The following JAKMIP1 variants were observed in gnomAD, a reference collection of about 807,000 sequenced individuals.
JAKMIP1 encodes the protein janus kinase and microtubule-interacting protein 1.
In JAKMIP1, 33 loss-of-function variants were observed where a neutral mutation model predicts 113.0. The observed-to-expected ratio is 0.29, with a 90% confidence interval of 0.22 to 0.39. The LOEUF (loss-of-function observed/expected upper bound fraction) is 0.39. Ranked by LOEUF, JAKMIP1 falls within the 10% of genes least tolerant of loss-of-function variation. JAKMIP1 has a pLI of 1.00. For missense variants in JAKMIP1, 813 were observed against 1,080.5 expected (o/e 0.75, Z 3.47); for synonymous variants, 480 against 459.9 (o/e 1.04, Z -0.56).
chr4:6,063,047 CAGG>C (rs1717535485), intron 9 of JAKMIP1, among the ~76,000 whole-genome samples: 1 of 152,018 alleles, frequency 6.6e-6, no homozygotes. Flanking sequence ...GAGGCTGAGG[CAGG>C]AGAATTCCTT....
Position 6,112,721 on chromosome 4 carries a change from C to T in JAKMIP1, c.129+1G>A. 6.2e-7 allele frequency: 1 copy of T among 1,613,600 alleles called. No individual in the cohort carries two copies. Among genetic ancestry groups the T allele is most frequent in the Non-Finnish European group, 8.5e-7 (1 of 1,179,866 alleles). On this transcript the variant is annotated splice_donor_variant, in intron 2 of 20. Transcript: ENST00000409021. LOFTEE classifies it high-confidence loss of function. ...GCTGCTGAGCTGACGCCAACCCCCA[C>T]CTTGCTTTTTTCCTGCTGGAACTCG...
At position 6,199,671 on chromosome 4, in the gene JAKMIP1, G is replaced by A. The variant is rs909280539; in HGVS notation, c.-148+582C>T. On this transcript the variant is annotated intron_variant, in intron 1 of 20. Coordinates refer to ENST00000409021, the MANE Select transcript of JAKMIP1 (RefSeq NM_001099433.2). The surrounding 1 kb of genome is among the most constrained non-coding windows in gnomAD (Gnocchi z 5.6). ...CGCGAGGGTGTGCGTGGCAGGGGCCGCGGCGGCGTGTGCCGTGCGTGGGGT... is the reference window on the plus strand; with the variant it reads ...CGCGAGGGTGTGCGTGGCAGGGGCCACGGCGGCGTGTGCCGTGCGTGGGGT... 2.0e-5 allele frequency among the ~76,000 whole-genome samples: 3 copies of A among 151,728 alleles called. No homozygotes were observed. The highest frequency in any genetic ancestry group is 7.2e-5 in the African/African-American group (3 of 41,486).
rs1279340910 is a variant in JAKMIP1, at chr4:6,181,581, T to C, written c.-148+18672A>G. On this transcript the variant is annotated intron_variant, in intron 1 of 20. Coordinates refer to ENST00000409021, the MANE Select transcript of JAKMIP1 (RefSeq NM_001099433.2). The surrounding 1 kb of genome is among the most constrained non-coding windows in gnomAD (Gnocchi z 5.4). ...CCAGGGCCTATGGGTGCCAGCGTGGTGAGGGAAGGGACATCCAAAGTGGGC... is the reference window on the plus strand; with the variant it reads ...CCAGGGCCTATGGGTGCCAGCGTGGCGAGGGAAGGGACATCCAAAGTGGGC... 6.6e-6 allele frequency among the ~76,000 whole-genome samples: 1 copy of C among 152,100 alleles called. No individual in the cohort carries two copies. The highest frequency in any genetic ancestry group is 2.4e-5 in the African/African-American group (1 of 41,414).
At chr4:6,165,315 A>T (rs1723490803) in intron 1 of JAKMIP1, among the ~76,000 whole-genome samples, 1 of 152,204 alleles carries the variant, frequency 6.6e-6, no homozygotes, top group Non-Finnish European at 1.5e-5. Flanking sequence ...TTTGAGACAG[A>T]GGCTCTGTAG....
chr4:6,104,520 C>G (rs1713586587), intron 3 of JAKMIP1, among the ~76,000 whole-genome samples: 1 of 152,362 alleles, frequency 6.6e-6, no homozygotes, highest in East Asian at 1.9e-4. Flanking sequence ...CACAGTGTAT[C>G]TTTCCCCATC....
Position 6,040,532 on chromosome 4 carries a change from G to T in JAKMIP1, c.2175+107C>A. The T allele has an allele frequency of 1.3e-6, 1 of 762,382 alleles. No homozygotes were observed. Among genetic ancestry groups the T allele is most frequent in the East Asian group, 2.7e-5 (1 of 37,714 alleles). 47.2% of individuals were successfully genotyped at this position (762,382 alleles called of 1,614,324 possible). On this transcript the variant is annotated intron_variant, in intron 18 of 20. Coordinates refer to ENST00000409021, the MANE Select transcript of JAKMIP1 (RefSeq NM_001099433.2). The surrounding 1 kb of genome is among the most constrained non-coding windows in gnomAD (Gnocchi z 5.8). Reference sequence around the variant, plus strand: ...TGGAGATGGCATTTTTATCACTCCTGTTTGGCACTGGGGAGCGCCCTAAAT... The same window carrying T: ...TGGAGATGGCATTTTTATCACTCCTTTTTGGCACTGGGGAGCGCCCTAAAT...
At position 6,064,870 on chromosome 4, in the gene JAKMIP1, G is replaced by T; in HGVS notation, c.1431+10C>A. ...GGGTGAGGTCCCGCCCTCTCTGCAGGTTTGCTTACATCGTCCAAGTCTTCT... is the reference window on the plus strand; with the variant it reads ...GGGTGAGGTCCCGCCCTCTCTGCAGTTTTGCTTACATCGTCCAAGTCTTCT... On this transcript the variant is annotated intron_variant, in intron 9 of 20. Coordinates refer to ENST00000409021, the MANE Select transcript of JAKMIP1 (RefSeq NM_001099433.2). The surrounding 1 kb of genome is among the most constrained non-coding windows in gnomAD (Gnocchi z 4.3). 3 of 1,613,934 alleles carry T rather than the reference G, an allele frequency of 1.9e-6. No homozygotes were observed. The highest frequency in any genetic ancestry group is 2.5e-6 in the Non-Finnish European group (3 of 1,180,014).
In JAKMIP1 at chr4:6,191,720, T is replaced by C. The variant is rs542644840; in HGVS notation, c.-148+8533A>G. Among the ~76,000 whole-genome samples the C allele has an allele frequency of 6.4e-4, 97 of 152,232 alleles. 1 individual carries two copies. In the South Asian group the frequency reaches 0.02, roughly 31 times the overall value. On this transcript the variant is annotated intron_variant, in intron 1 of 20. Coordinates refer to ENST00000409021, the MANE Select transcript of JAKMIP1 (RefSeq NM_001099433.2). ...CAGCAAGGCCCAGTGGAATACAACA[T>C]GCACGCCACGTGTAATTTCACAGTT...
At chr4:6,072,412 C>T (rs1719093874) in intron 8 of JAKMIP1, among the ~76,000 whole-genome samples, 1 of 152,202 alleles carries the variant, frequency 6.6e-6, no homozygotes, top group East Asian at 1.9e-4. Context: ...AGTCCTGCTG[C>T]CCATGCCCTC....
intron 1 of JAKMIP1, among the ~76,000 whole-genome samples, chr4:6,122,424 T>C (rs1716843709): frequency 6.6e-6 from 1 of 152,184 alleles, no homozygotes; most frequent in Admixed American, 6.5e-5. Flanking sequence ...TTTCCTTCTT[T>C]TAGGATTTGA....
In JAKMIP1 at chr4:6,061,567, G is replaced by A. The variant is rs746542937; in HGVS notation, c.1560+745C>T. ...CCCTGAGTCCGAGAAACCTGGCCTCGACTCCCAGCTCTGTTCAGCATCATC... is the reference window on the plus strand; with the variant it reads ...CCCTGAGTCCGAGAAACCTGGCCTCAACTCCCAGCTCTGTTCAGCATCATC... On this transcript the variant is annotated intron_variant, in intron 10 of 20. Transcript: ENST00000409021. This position sits in a 1 kb window ranked among gnomAD's most constrained non-coding sequence, Gnocchi z 5.3. Among the ~76,000 whole-genome samples, 3 of 152,144 alleles carry A rather than the reference G, an allele frequency of 2.0e-5. No homozygotes were observed. The highest frequency in any genetic ancestry group is 1.3e-4 in the Admixed American group (2 of 15,278).
rs74337193 is a variant in JAKMIP1 at position 6,162,415 on chromosome 4, G to A, written c.-148+37838C>T. On this transcript the variant is annotated intron_variant, in intron 1 of 20. Coordinates refer to ENST00000409021, the MANE Select transcript of JAKMIP1 (RefSeq NM_001099433.2). This position sits in a 1 kb window ranked among gnomAD's most constrained non-coding sequence, Gnocchi z 5.6. ...CTGGTCTTTGCTGGTGAGGGTCCTG[G>A]GGAAGTCACCTCCAGAGGCCACATG... 1.3e-5 allele frequency among the ~76,000 whole-genome samples: 2 copies of A among 152,158 alleles called. No homozygotes were observed. Among genetic ancestry groups the A allele is most frequent in the Admixed American group, 1.3e-4 (2 of 15,282 alleles).
At chr4:6,099,432 G>A (rs1024618765) in intron 3 of JAKMIP1, among the ~76,000 whole-genome samples, 9 of 152,104 alleles carry the variant, frequency 5.9e-5, no homozygotes, top group East Asian at 1.9e-4. Context: ...AACTCATAGC[G>A]TCACGCACCC....
At position 6,129,834 on chromosome 4, in the gene JAKMIP1, C is replaced by A. The variant is rs1204721880; in HGVS notation, c.-147-16837G>T. ...ATTGCCACCATCACCTGTCACTGTC[C>A]CCCAGTCAAAGAATCATCACGTTCA... On this transcript the variant is annotated intron_variant, in intron 1 of 20. Coordinates refer to ENST00000409021, the MANE Select transcript of JAKMIP1 (RefSeq NM_001099433.2). This position sits in a 1 kb window ranked among gnomAD's most constrained non-coding sequence, Gnocchi z 5.4. Among the ~76,000 whole-genome samples, 1 of 152,186 alleles carries A rather than the reference C, an allele frequency of 6.6e-6. No homozygotes were observed. The highest frequency in any genetic ancestry group is 6.5e-5 in the Admixed American group (1 of 15,282).
In JAKMIP1 at chr4:6,180,113, C is replaced by G. The variant is rs574580888; in HGVS notation, c.-148+20140G>C. Among the ~76,000 whole-genome samples, 2 of 152,296 alleles carry G rather than the reference C, an allele frequency of 1.3e-5. No homozygotes were observed. The highest frequency in any genetic ancestry group is 1.9e-4 in the East Asian group (1 of 5,182). The stretch of plus-strand genomic sequence containing the variant: ...AGCATATTGACAGAAAATTAAGTGC[C>G]ACTGAATTAGCCCCAACACTTTCAT... On this transcript the variant is annotated intron_variant, in intron 1 of 20. Transcript: ENST00000409021. This position sits in a 1 kb window ranked among gnomAD's most constrained non-coding sequence, Gnocchi z 4.5.
In JAKMIP1 at chr4:6,158,805, T is replaced by C. The variant is rs1344647893; in HGVS notation, c.-148+41448A>G. Among the ~76,000 whole-genome samples, 1 of 152,118 alleles carries C rather than the reference T, an allele frequency of 6.6e-6. No individual in the cohort carries two copies. Among genetic ancestry groups the C allele is most frequent in the Non-Finnish European group, 1.5e-5 (1 of 68,028 alleles). Reference sequence around the variant, plus strand: ...GTACACAGGAATTTAAAACACATACTGGGCCGGGCGTGGTGACTCACACCT... The same window carrying C: ...GTACACAGGAATTTAAAACACATACCGGGCCGGGCGTGGTGACTCACACCT... On this transcript the variant is annotated intron_variant, in intron 1 of 20. Transcript: ENST00000409021. This position sits in a 1 kb window ranked among gnomAD's most constrained non-coding sequence, Gnocchi z 5.3.
chr4:6,093,681 G>C lies in JAKMIP1; in HGVS notation c.625-8052C>G, dbSNP rs1207522955. Among the ~76,000 whole-genome samples, 1 of 152,146 alleles carries C rather than the reference G, an allele frequency of 6.6e-6. No individual in the cohort carries two copies. Among genetic ancestry groups the C allele is most frequent in the Non-Finnish European group, 1.5e-5 (1 of 68,014 alleles). ...AACCAGACACCTCCTGTATTACAAT[G>C]AATGATGTCCACCTGTACAGGGAGG... On this transcript the variant is annotated intron_variant, in intron 3 of 20. Coordinates refer to ENST00000409021, the MANE Select transcript of JAKMIP1 (RefSeq NM_001099433.2). This position sits in a 1 kb window ranked among gnomAD's most constrained non-coding sequence, Gnocchi z 4.6.
rs1231040093 is a variant in JAKMIP1, at chr4:6,154,362, A to G, written c.-147-41365T>C. 6.6e-6 allele frequency among the ~76,000 whole-genome samples: 1 copy of G among 152,176 alleles called. No homozygotes were observed. The highest frequency in any genetic ancestry group is 1.9e-4 in the East Asian group (1 of 5,186). ...CCTAGGATGTTAAATCTGCATGCCC[A>G]GAAAGGATTTACCACAAAGAGCGTG... On this transcript the variant is annotated intron_variant, in intron 1 of 20. Coordinates refer to ENST00000409021, the MANE Select transcript of JAKMIP1 (RefSeq NM_001099433.2). The surrounding 1 kb of genome is among the most constrained non-coding windows in gnomAD (Gnocchi z 4.2).
At chr4:6,171,109 T>C (rs1367974407) in intron 1 of JAKMIP1, among the ~76,000 whole-genome samples, 7 of 133,444 alleles carry the variant, frequency 5.2e-5, no homozygotes, top group African/African-American at 1.4e-4. Flanking sequence ...ACCACCATCA[T>C]CACCACCACA....
Sources: gnomAD v4.1 joint callset for allele counts (sites outside exome capture counted in the v4.1 genomes callset) on GRCh38, gnomAD v4.1.1 for gene constraint, Gnocchi (gnomAD v3.1) non-coding constraint, MANE v1.5 for transcripts, NCBI Gene and HGNC (gene_info 2026-07-23, HGNC 2026-07-21) for gene names.